Variants in CPQ observed in about 807,000 individuals in gnomAD.
CPQ encodes carboxypeptidase Q.
Under a neutral mutation model 45.7 loss-of-function variants are expected in CPQ, and 37 were observed. That is an observed-to-expected ratio of 0.81 (90% CI 0.62 to 1.07). The LOEUF is 1.07. Ranked by LOEUF, CPQ falls within the 50% of genes least tolerant of loss-of-function variation. The pLI, the probability that CPQ is intolerant of heterozygous loss-of-function variation, is 0.00. For synonymous variants in CPQ, 186 were observed against 205.8 expected (o/e 0.90, Z 0.82); for missense variants, 537 against 572.9 (o/e 0.94, Z 0.64).
chr8:96,978,156 A>C (rs1477397284), intron 5 of CPQ, among the ~76,000 whole-genome samples: 2 of 152,136 alleles, frequency 1.3e-5, no homozygotes. Flanking sequence ...GCTTTTCTGT[A>C]AGACCCATGG....
intron 2 of CPQ, among the ~76,000 whole-genome samples, chr8:96,787,042 T>A (rs1344478861): frequency 6.6e-6 from 1 of 152,114 alleles, no homozygotes; most frequent in Admixed American, 6.6e-5. Context: ...GTCCAACTAA[T>A]TTATTTTATT....
chr8:96,931,342 C>CA (rs1812972458), intron 4 of CPQ, among the ~76,000 whole-genome samples: 1 of 152,228 alleles, frequency 6.6e-6, no homozygotes, highest in East Asian at 1.9e-4. Flanking sequence ...GAAGTTTTGG[C>CA]AAAAAATGAA....
intron 6 of CPQ, among the ~76,000 whole-genome samples, chr8:97,050,749 G>T (rs1316976407): frequency 1.3e-5 from 2 of 152,110 alleles, no homozygotes; most frequent in Non-Finnish European, 2.9e-5. Flanking sequence ...TGATTTGCTT[G>T]AGAGTCCAGC....
chr8:96,819,608 T>C (rs532109794), intron 2 of CPQ, among the ~76,000 whole-genome samples: 1 of 152,248 alleles, frequency 6.6e-6, no homozygotes, highest in South Asian at 2.1e-4. Context: ...CCTGGGCATT[T>C]TTCTGCTAAA....
intron 7 of CPQ, among the ~76,000 whole-genome samples, chr8:97,128,717 C>G (rs898237388): frequency 2.6e-5 from 4 of 152,148 alleles, no homozygotes; most frequent in African/African-American, 9.6e-5. Context: ...AAAAAACTTT[C>G]TCCTCAGCTT....
At chr8:97,083,035 A>T (rs1810979913) in intron 7 of CPQ, among the ~76,000 whole-genome samples, 1 of 152,198 alleles carries the variant, frequency 6.6e-6, no homozygotes, top group Non-Finnish European at 1.5e-5. Context: ...GAGCAACAAG[A>T]TTCATCACTT....
intron 6 of CPQ, among the ~76,000 whole-genome samples, chr8:97,039,607 A>G (rs1810076564): frequency 6.6e-6 from 1 of 151,630 alleles, no homozygotes; most frequent in Non-Finnish European, 1.5e-5. Flanking sequence ...AGCATTAGGT[A>G]TATCTCCTAA....
chr8:96,870,820 C>T (rs1181574012), intron 3 of CPQ, among the ~76,000 whole-genome samples: 1 of 151,958 alleles, frequency 6.6e-6, no homozygotes, highest in African/African-American at 2.4e-5. Context: ...ATGCTTTAGG[C>T]ATCTATGGAA....
At position 96,731,111 on chromosome 8, in the gene CPQ, G is replaced by T. The variant is rs529042298; in HGVS notation, c.-34-53753G>T. ...CAAAGAATTAGGGTCTGAAGAGTAG[G>T]ACTATTTGAAAAATAACTGGTCCAG... On this transcript the variant is annotated intron_variant, in intron 1 of 7. Coordinates refer to ENST00000220763, the MANE Select transcript of CPQ (RefSeq NM_016134.4). Among the ~76,000 whole-genome samples, 33 of 151,826 alleles carry T rather than the reference G, an allele frequency of 2.2e-4. No individual in the cohort carries two copies. In the South Asian group the frequency reaches 6.5e-3, roughly 30 times the overall value.
chr8:97,099,499 A>G (rs1179865917), intron 7 of CPQ, among the ~76,000 whole-genome samples: 1 of 151,420 alleles, frequency 6.6e-6, no homozygotes, highest in Non-Finnish European at 1.5e-5. Context: ...TGGTGGGTTC[A>G]ACTCCACCTT....
At chr8:97,120,498 A>ATT (rs1203337988) in intron 7 of CPQ, among the ~76,000 whole-genome samples, 1 of 152,230 alleles carries the variant, frequency 6.6e-6, no homozygotes, top group Non-Finnish European at 1.5e-5. Context: ...TCTTCATTTT[A>ATT]CAAGTTTATT....
chr8:97,104,913 G>A (rs1264698585), intron 7 of CPQ, among the ~76,000 whole-genome samples: 1 of 152,188 alleles, frequency 6.6e-6, no homozygotes, highest in Non-Finnish European at 1.5e-5. Context: ...CACATGTAAG[G>A]AATACTTTTA....
At chr8:96,704,216 A>T (rs187583300) in intron 1 of CPQ, among the ~76,000 whole-genome samples, 4 of 152,224 alleles carry the variant, frequency 2.6e-5, no homozygotes, top group Admixed American at 2.0e-4. Flanking sequence ...TTTATTTATT[A>T]TCTCCATATT....
intron 2 of CPQ, among the ~76,000 whole-genome samples, chr8:96,811,546 G>A (rs1296987900): frequency 2.6e-5 from 4 of 152,116 alleles, no homozygotes; most frequent in Non-Finnish European, 5.9e-5. Flanking sequence ...GAAAGTGTGA[G>A]AGATACTGAA....
At chr8:96,980,285 A>G (rs1031718511) in intron 5 of CPQ, among the ~76,000 whole-genome samples, 5 of 151,988 alleles carry the variant, frequency 3.3e-5, no homozygotes, top group African/African-American at 1.2e-4. Flanking sequence ...GGCACACACC[A>G]CTATGCCCAA....
intron 4 of CPQ, among the ~76,000 whole-genome samples, chr8:96,903,350 A>T (rs1041851743): frequency 2.6e-5 from 4 of 152,208 alleles, no homozygotes; most frequent in Non-Finnish European, 4.4e-5. Flanking sequence ...ACAAGAAAGG[A>T]CATAGATTCT....
chr8:96,780,810 G>A (rs922855918), intron 1 of CPQ, among the ~76,000 whole-genome samples: 3 of 150,768 alleles, frequency 2.0e-5, no homozygotes, highest in African/African-American at 7.3e-5. Flanking sequence ...ATGAGCCACT[G>A]CCCTCAGCCT....
At chr8:96,686,573 T>C (rs1018261605) in intron 1 of CPQ, among the ~76,000 whole-genome samples, 1 of 152,032 alleles carries the variant, frequency 6.6e-6, no homozygotes, top group Non-Finnish European at 1.5e-5. Flanking sequence ...TATTATACTT[T>C]AATGTGATCC....
chr8:96,970,624 T>C (rs533159896), intron 5 of CPQ, among the ~76,000 whole-genome samples: 3 of 150,888 alleles, frequency 2.0e-5, no homozygotes, highest in South Asian at 4.2e-4. Flanking sequence ...AGTGCAGTGG[T>C]GCGATCTCGG....
Sources: allele counts gnomAD v4.1 joint callset (sites outside exome capture counted in the v4.1 genomes callset), GRCh38; gene constraint gnomAD v4.1.1; transcripts MANE v1.5; gene names NCBI Gene and HGNC (gene_info 2026-07-23, HGNC 2026-07-21).